LITAF: variants seen among roughly 807,000 people sequenced by gnomAD.
LITAF encodes the protein lipopolysaccharide induced TNF factor.
In LITAF, 9 loss-of-function variants were observed where a neutral mutation model predicts 14.5. The observed-to-expected ratio is 0.62, with a 90% CI of 0.37 to 1.08. The LOEUF is 1.08. Among genes scored for constraint, LITAF ranks in the 50% least tolerant of loss-of-function variants. LITAF has a pLI of 0.01. For missense variants in LITAF, 206 were observed against 213.4 expected (o/e 0.97, Z 0.22); for synonymous variants, 98 against 88.2 (o/e 1.11, Z -0.62).
chr16:11,567,443 A>G (rs1395899459), intron 1 of LITAF, among the ~76,000 whole-genome samples: 2 of 151,248 alleles, frequency 1.3e-5, no homozygotes, highest in Non-Finnish European at 2.9e-5. Context: ...ACACAAAACA[A>G]AACAAAACAA....
At chr16:11,638,097 T>TAGATAG (rs2065149848), upstream of LITAF, among the ~76,000 whole-genome samples, 1 of 120,212 alleles carries the variant, frequency 8.3e-6, no homozygotes, top group Admixed American at 1.1e-4. Context: ...TCTATCTATC[T>TAGATAG]ATATATATAT....
chr16:11,635,764 G>A (rs1326121037), intron 2 of LITAF: 1 of 152,236 alleles, frequency 6.6e-6, no homozygotes, highest in East Asian at 1.9e-4. Flanking sequence ...CCCAGACCAT[G>A]TGGATTAAAA....
chr16:11,585,579 G>A (rs932828083), intron 1 of LITAF, among the ~76,000 whole-genome samples: 11 of 152,166 alleles, frequency 7.2e-5, no homozygotes, highest in African/African-American at 2.7e-4. Context: ...CCAGATACCA[G>A]CCTGCACTTC....
Position 11,548,203 on chromosome 16 carries a change from A to C in LITAF, c.*1434T>G, listed in dbSNP as rs2064132327. The stretch of plus-strand genomic sequence containing the variant: ...TTTATTTCTACATAGTAGTATTCAC[A>C]TGAGTTCCCTATTCTGAAGTATTAT... On this transcript the variant is annotated 3_prime_UTR_variant, in exon 4 of 4. Coordinates refer to ENST00000622633, the MANE Select transcript of LITAF (RefSeq NM_001136472.2). 2.2e-6 allele frequency: 1 copy of C among 453,986 alleles called. No individual in the cohort carries two copies. Among genetic ancestry groups the C allele is most frequent in the South Asian group, 1.6e-5 (1 of 64,484 alleles). The allele number at this position is 453,986 out of a possible 1,614,324, so 28.1% of individuals were successfully genotyped here.
At chr16:11,593,360 A>G (rs111418511) in intron 1 of LITAF, among the ~76,000 whole-genome samples, 5,217 of 147,330 alleles carry the variant, frequency 0.035, 128 homozygotes, top group African/African-American at 0.12. Context: ...GTCTCAAAAA[A>G]AAAAAAAAAA....
chr16:11,602,617 A>G (rs1309886321), upstream of LITAF, among the ~76,000 whole-genome samples: 2 of 152,138 alleles, frequency 1.3e-5, no homozygotes, highest in Non-Finnish European at 2.9e-5. Flanking sequence ...AACAAAATGT[A>G]ATTGAATGGA....
upstream of LITAF, chr16:11,636,422 A>G (rs1278310861): frequency 6.6e-6 from 1 of 152,282 alleles, no homozygotes; most frequent in African/African-American, 2.4e-5. Context: ...GAGCTTGAGA[A>G]GGCGGAGTCT....
intron 3 of LITAF, among the ~76,000 whole-genome samples, chr16:11,621,085 G>A (rs2065047914): frequency 6.6e-6 from 1 of 151,256 alleles, no homozygotes; most frequent in Admixed American, 6.6e-5. Flanking sequence ...TTGAGATGGA[G>A]TTTCGCTCTT....
intron 3 of LITAF, among the ~76,000 whole-genome samples, chr16:11,626,355 T>C (rs938883034): frequency 2.0e-5 from 3 of 150,434 alleles, no homozygotes; most frequent in African/African-American, 7.4e-5. Context: ...ATTTTTGTAA[T>C]TTTTTTTTAA....
chr16:11,587,963 C>G (rs28416958), upstream of LITAF, among the ~76,000 whole-genome samples: 3,220 of 152,186 alleles, frequency 0.021, 109 homozygotes, highest in African/African-American at 0.073. Flanking sequence ...GTGCCCAAAT[C>G]CCATGCCTTT....
upstream of LITAF, among the ~76,000 whole-genome samples, chr16:11,600,664 C>T (rs1291561980): frequency 6.6e-6 from 1 of 152,116 alleles, no homozygotes; most frequent in African/African-American, 2.4e-5. This position sits in a 1 kb window ranked among gnomAD's most constrained non-coding sequence, Gnocchi z 4.1. Context: ...GTGGTGTCTT[C>T]ATTTTAACCT....
At chr16:11,569,028 A>T (rs2064501289) in intron 1 of LITAF, among the ~76,000 whole-genome samples, 1 of 152,094 alleles carries the variant, frequency 6.6e-6, no homozygotes, top group Non-Finnish European at 1.5e-5. Context: ...CCCTGACCCC[A>T]TCCCTCTCTG....
At chr16:11,557,838 T>A (rs954474163) in intron 1 of LITAF, among the ~76,000 whole-genome samples, 6 of 152,190 alleles carry the variant, frequency 3.9e-5, no homozygotes, top group Non-Finnish European at 7.3e-5. Flanking sequence ...AGGCACACAT[T>A]TTCTTTTGTG....
intron 1 of LITAF, among the ~76,000 whole-genome samples, chr16:11,598,054 C>A (rs1020333151): frequency 6.6e-6 from 1 of 152,108 alleles, no homozygotes. Context: ...TACAGGCATG[C>A]GCCACCACGC....
intron 3 of LITAF, among the ~76,000 whole-genome samples, chr16:11,626,271 C>T (rs1175762153): frequency 6.6e-6 from 1 of 151,298 alleles, no homozygotes; most frequent in African/African-American, 2.4e-5. Context: ...CTCTGCCTCC[C>T]AGGTTCAGGC....
intron 3 of LITAF, among the ~76,000 whole-genome samples, chr16:11,624,383 G>T (rs1567266985): frequency 6.6e-6 from 1 of 152,144 alleles, no homozygotes; most frequent in African/African-American, 2.4e-5. Context: ...AATCTCTATG[G>T]TTACAGCAAT....
intron 3 of LITAF, chr16:11,551,783 G>A (rs763978044): frequency 2.9e-6 from 2 of 678,230 alleles, no homozygotes; most frequent in South Asian, 1.5e-5. Context: ...GGAGAGCTAC[G>A]ATCGTACCAC....
upstream of LITAF, among the ~76,000 whole-genome samples, chr16:11,588,311 A>C (rs561557006): frequency 3.9e-5 from 6 of 152,112 alleles, no homozygotes; most frequent in Non-Finnish European, 5.9e-5. Context: ...GCTGGACAAC[A>C]TAGTGAGACT....
At chr16:11,610,556 T>G (rs1167110929) in intron 3 of LITAF, among the ~76,000 whole-genome samples, 1 of 152,116 alleles carries the variant, frequency 6.6e-6, no homozygotes, top group Non-Finnish European at 1.5e-5. Flanking sequence ...TCTTCAGACA[T>G]TGCCACAGTG....
Sources: gnomAD v4.1 joint callset for allele counts (sites outside exome capture counted in the v4.1 genomes callset) on GRCh38, gnomAD v4.1.1 for gene constraint, Gnocchi (gnomAD v3.1) non-coding constraint, MANE v1.5 for transcripts, NCBI Gene and HGNC (gene_info 2026-07-23, HGNC 2026-07-21) for gene names.